QSOX1: variants seen among roughly 807,000 people sequenced by gnomAD.
The protein encoded by QSOX1 is quiescin sulfhydryl oxidase 1, also known as sulfhydryl oxidase 1.
Under a neutral mutation model 76.1 loss-of-function variants are expected in QSOX1, and 40 were observed. The observed-to-expected ratio is 0.53, with a 90% CI of 0.41 to 0.68. The LOEUF (loss-of-function observed/expected upper bound fraction) is 0.68. QSOX1 is among the 30% of genes least tolerant of loss of function. QSOX1 has a pLI of 0.00. For missense variants in QSOX1, 931 were observed against 974.3 expected, an observed-to-expected ratio of 0.96 and a Z score of 0.59; for synonymous variants, 392 against 413.1, an observed-to-expected ratio of 0.95 and a Z score of 0.62.
chr1:180,175,276 T>A (rs1278785426), intron 2 of QSOX1, 45 bp from the exon 3 acceptor site: 1 of 1,600,360 alleles, frequency 6.2e-7, no homozygotes, highest in Admixed American at 1.7e-5. Flanking sequence ...GCTGCACTCT[T>A]GGCCACTATC....
chr1:180,181,173 A>T (rs1176825279), intron 5 of QSOX1, among the ~76,000 whole-genome samples: 2 of 151,990 alleles, frequency 1.3e-5, no homozygotes, highest in East Asian at 3.9e-4. Context: ...ATTTCTTTCT[A>T]AAAAAAATAA....
Position 180,189,494 on chromosome 1 carries a change from A to G in QSOX1, c.1018-58A>G, listed in dbSNP as rs761917978. 21 of 1,241,476 alleles carry G rather than the reference A, an allele frequency of 1.7e-5. No homozygotes were observed. In the Admixed American group the frequency reaches 2.7e-4, roughly 16 times the overall value. 76.9% of individuals were successfully genotyped at this position (1,241,476 alleles called of 1,614,324 possible). On this transcript the variant is annotated intron_variant, in intron 8 of 11. Coordinates refer to ENST00000367602, the MANE Select transcript of QSOX1 (RefSeq NM_002826.5). The stretch of plus-strand genomic sequence containing the variant: ...TGCATAGCTTCCTACCATCTGCAGG[A>G]CGGGGAACTTGGGGAATTGCTTTTC...
chr1:180,194,950 G>C (rs1663422040), intron 11 of QSOX1, among the ~76,000 whole-genome samples: 1 of 146,000 alleles, frequency 6.8e-6, no homozygotes, highest in East Asian at 2.1e-4. Flanking sequence ...ACAGGAGGCG[G>C]TTTGTGTGTC....
chr1:180,182,453 G>A, intron 6 of QSOX1, 134 bp downstream of exon 6: 1 of 1,242,464 alleles, frequency 8.0e-7, no homozygotes, highest in South Asian at 1.4e-5. Context: ...AGAAGCTGCA[G>A]TCTGCTGTCT....
intron 5 of QSOX1, among the ~76,000 whole-genome samples, chr1:180,180,178 C>G (rs1662993670): frequency 6.6e-6 from 1 of 152,250 alleles, no homozygotes. Context: ...CTCAGTTTCT[C>G]CAGCTACAAG....
chr1:180,197,360 C>T lies in QSOX1; in HGVS notation c.*323C>T, dbSNP rs1428721297. The T allele has an allele frequency of 1.2e-6, 2 of 1,614,008 alleles. No individual in the cohort carries two copies. Among genetic ancestry groups the T allele is most frequent in the African/African-American group, 1.3e-5 (1 of 75,042 alleles). Reference sequence around the variant, plus strand: ...TATTTGAAGTCCTGCCTCATTCTCACTGGAGCCTCAGTCTCTCCTGCTTGG... The same window carrying T: ...TATTTGAAGTCCTGCCTCATTCTCATTGGAGCCTCAGTCTCTCCTGCTTGG... On this transcript the variant is annotated 3_prime_UTR_variant, in exon 12 of 12. Transcript: ENST00000367602.
intron 3 of QSOX1, 149 bp downstream of exon 3, chr1:180,175,515 C>A: frequency 1.2e-6 from 1 of 830,948 alleles, no homozygotes. Flanking sequence ...TGTGTCTTCC[C>A]AAAACTATCC....
chr1:180,180,083 C>T (rs1012580630), intron 5 of QSOX1, among the ~76,000 whole-genome samples: 1 of 152,254 alleles, frequency 6.6e-6, no homozygotes, highest in African/African-American at 2.4e-5. Context: ...GGCCCAGGTT[C>T]TGGAGCCACA....
chr1:180,169,937 T>C (rs1662723635), intron 2 of QSOX1, among the ~76,000 whole-genome samples: 1 of 152,152 alleles, frequency 6.6e-6, no homozygotes, highest in Non-Finnish European at 1.5e-5. Flanking sequence ...TACTTGGTGT[T>C]GAAGGACAGA....
intron 1 of QSOX1, among the ~76,000 whole-genome samples, chr1:180,158,614 C>T (rs1463550523): frequency 1.3e-5 from 2 of 152,092 alleles, no homozygotes; most frequent in African/African-American, 2.4e-5. Flanking sequence ...AGTTGGTGAC[C>T]GCATAGTGCT....
chr1:180,157,563 A>C (rs1195202476), intron 1 of QSOX1, among the ~76,000 whole-genome samples: 1 of 152,170 alleles, frequency 6.6e-6, no homozygotes, highest in Non-Finnish European at 1.5e-5. Flanking sequence ...AGAATTTTGC[A>C]GCCATATTTG....
At chr1:180,166,080 C>T (rs1662611860) in intron 1 of QSOX1, among the ~76,000 whole-genome samples, 1 of 152,092 alleles carries the variant, frequency 6.6e-6, no homozygotes, top group African/African-American at 2.4e-5. Context: ...GGCATGTTCT[C>T]CACCCTCTGG....
rs1165631088 is a variant in QSOX1 at position 180,155,156 on chromosome 1, G to T, written c.249G>T (p.Leu83=). ...CCTTCGCCCCGACGTGGAAGGCGCT[G>T]GCCGAAGACGTCAAAGGTGAGAAGC... ...CIAFAPTWKA[L]AEDVKAWRPA... is the part of the protein sequence containing the mutation. Residue 83 remains leucine, a synonymous_variant, in exon 1 of 12, where the codon CTG becomes CTT. Coordinates refer to ENST00000367602, the MANE Select transcript of QSOX1 (RefSeq NM_002826.5). 12 of 1,517,198 alleles carry T rather than the reference G, an allele frequency of 7.9e-6. No homozygotes were observed. Among genetic ancestry groups the T allele is most frequent in the Non-Finnish European group, 1.1e-5 (12 of 1,136,976 alleles). 94.0% of individuals were successfully genotyped at this position (1,517,198 alleles called of 1,614,324 possible). A position where few individuals can be genotyped will look rare whatever the true frequency, so the allele number is the denominator to read the frequency against.
chr1:180,163,808 A>T (rs182129749), intron 1 of QSOX1, among the ~76,000 whole-genome samples: 2 of 152,328 alleles, frequency 1.3e-5, no homozygotes, highest in East Asian at 3.9e-4. Flanking sequence ...GATTGACATA[A>T]TCAGATCCAC....
chr1:180,189,467 T>G, intron 8 of QSOX1, 85 bp from the exon 9 acceptor site: 3 of 373,024 alleles, frequency 8.0e-6, no homozygotes, highest in Non-Finnish European at 1.3e-5. Context: ...CCCGCCTTCT[T>G]CTGCATAGCT....
chr1:180,198,774 G>C lies in QSOX1; in HGVS notation c.*1737G>C, dbSNP rs1005692833. The C allele has an allele frequency of 4.2e-6, 1 of 237,854 alleles. No homozygotes were observed. The highest frequency in any genetic ancestry group is 8.5e-6 in the Non-Finnish European group (1 of 117,438). 14.7% of individuals were successfully genotyped at this position (237,854 alleles called of 1,614,324 possible). On this transcript the variant is annotated 3_prime_UTR_variant, in exon 12 of 12. Transcript: ENST00000367602. The stretch of plus-strand genomic sequence containing the variant: ...TGCTCCCTTGGGCTGGCCCTGGCTG[G>C]GGGCCTGAGAGACAGACAGGAACCC...
Position 180,155,177 on chromosome 1 carries a change from G to C in QSOX1, c.265+5G>C. 1 of 1,493,078 alleles carries C rather than the reference G, an allele frequency of 6.7e-7. No individual in the cohort carries two copies. Among genetic ancestry groups the C allele is most frequent in the Non-Finnish European group, 8.9e-7 (1 of 1,124,640 alleles). The allele number at this position is 1,493,078 out of a possible 1,614,324, so 92.5% of individuals were successfully genotyped here. On this transcript the variant is annotated splice_donor_5th_base_variant and intron_variant, in intron 1 of 11. Transcript: ENST00000367602. The stretch of plus-strand genomic sequence containing the variant: ...CGCTGGCCGAAGACGTCAAAGGTGA[G>C]AAGCGGGGGCGGCCCGCTCCCCCGT...
intron 2 of QSOX1, 115 bp downstream of exon 2, chr1:180,166,706 G>C: frequency 9.7e-7 from 1 of 1,027,950 alleles, no homozygotes; most frequent in South Asian, 1.4e-5. Flanking sequence ...TCTGATTTGA[G>C]CTGGGAGGTG....
At chr1:180,157,647 A>C (rs1448786192) in intron 1 of QSOX1, among the ~76,000 whole-genome samples, 1 of 152,088 alleles carries the variant, frequency 6.6e-6, no homozygotes, top group Non-Finnish European at 1.5e-5. Context: ...TTCTCTAGGC[A>C]CCTGCTGCCC....
Sources: allele counts gnomAD v4.1 joint callset (sites outside exome capture counted in the v4.1 genomes callset), GRCh38; gene constraint gnomAD v4.1.1; transcripts MANE v1.5; gene names NCBI Gene and HGNC (gene_info 2026-07-23, HGNC 2026-07-21).